TRPS1: variants seen among roughly 807,000 people sequenced by gnomAD.
TRPS1 encodes the protein transcriptional repressor GATA binding 1.
A neutral mutation model predicts 101.2 loss-of-function variants in TRPS1; 6 were observed. The ratio of observed to expected loss-of-function variants is 0.06; its 90% CI spans 0.03 to 0.12. The LOEUF (loss-of-function observed/expected upper bound fraction) is 0.12. Among genes scored for constraint, TRPS1 ranks in the 10% least tolerant of loss-of-function variants. The pLI, the probability that TRPS1 is intolerant of heterozygous loss-of-function variation, is 1.00. For synonymous variants in TRPS1, 578 were observed against 589.8 expected (o/e 0.98, Z 0.29); for missense variants, 1,363 against 1,567.0 (o/e 0.87, Z 2.20).
intron 5 of TRPS1, among the ~76,000 whole-genome samples, chr8:115,536,779 T>C (rs946890694): frequency 2.6e-5 from 4 of 151,506 alleles, no homozygotes; most frequent in Non-Finnish European, 5.9e-5. Context: ...TTACTAAATA[T>C]AGCTGAAGTT....
intron 5 of TRPS1, among the ~76,000 whole-genome samples, chr8:115,430,889 T>C (rs372924829): frequency 6.6e-6 from 1 of 151,900 alleles, no homozygotes; most frequent in African/African-American, 2.4e-5. Flanking sequence ...GTTTCTTACA[T>C]AGTGGAGAAT....
intron 5 of TRPS1, chr8:115,515,401 A>C: frequency 1.7e-6 from 1 of 593,156 alleles, no homozygotes; most frequent in Non-Finnish European, 3.0e-6. Context: ...ATGAAATATA[A>C]ATCAAATGCC....
intron 5 of TRPS1, among the ~76,000 whole-genome samples, chr8:115,459,467 T>A (rs1006905608): frequency 6.6e-6 from 1 of 152,120 alleles, no homozygotes; most frequent in African/African-American, 2.4e-5. Flanking sequence ...TTTACCTAAG[T>A]TTTGAGCCAC....
At chr8:115,647,964 C>T (rs941629974) in intron 1 of TRPS1, among the ~76,000 whole-genome samples, 5 of 151,888 alleles carry the variant, frequency 3.3e-5, no homozygotes, top group African/African-American at 1.2e-4. Context: ...GTAAGGAACT[C>T]CCTTTTTTGC....
At chr8:115,496,180 C>T (rs1218889157) in intron 5 of TRPS1, among the ~76,000 whole-genome samples, 1 of 152,096 alleles carries the variant, frequency 6.6e-6, no homozygotes, top group Non-Finnish European at 1.5e-5. Flanking sequence ...TGTTATTTAT[C>T]CCAGGTTGAA....
chr8:115,461,157 AT>A (rs1393599545), intron 5 of TRPS1, among the ~76,000 whole-genome samples: 1 of 152,148 alleles, frequency 6.6e-6, no homozygotes, highest in Non-Finnish European at 1.5e-5. Flanking sequence ...TACAAATGTT[AT>A]TTATTAAGAA....
intron 5 of TRPS1, among the ~76,000 whole-genome samples, chr8:115,439,287 GA>G (rs1813532427): frequency 6.6e-6 from 1 of 152,210 alleles, no homozygotes; most frequent in Non-Finnish European, 1.5e-5. Context: ...TAGAGCTTGT[GA>G]AACTGACATG....
chr8:115,623,695 A>G lies in TRPS1; in HGVS notation c.-58T>C. 6.3e-7 allele frequency: 1 copy of G among 1,596,596 alleles called. No individual in the cohort carries two copies. The highest frequency in any genetic ancestry group is 8.5e-7 in the Non-Finnish European group (1 of 1,170,418). On this transcript the variant is annotated 5_prime_UTR_variant, in exon 2 of 7. An upstream open reading frame in the 5' UTR loses its in-frame stop. Coordinates refer to ENST00000395715, the MANE Select transcript of TRPS1 (RefSeq NM_014112.5). ...TCTATTAGTCAACTAGCAGGAGGCTAATGCAATTGTCTTAGAAGACGCTCA... is the reference window on the plus strand; with the variant it reads ...TCTATTAGTCAACTAGCAGGAGGCTGATGCAATTGTCTTAGAAGACGCTCA...
chr8:115,655,921 T>C (rs1331126085), intron 1 of TRPS1, among the ~76,000 whole-genome samples: 1 of 152,118 alleles, frequency 6.6e-6, no homozygotes, highest in East Asian at 1.9e-4. Flanking sequence ...CCAAACATTT[T>C]GGCAAAATGT....
intron 5 of TRPS1, among the ~76,000 whole-genome samples, chr8:115,479,265 G>A (rs1033818526): frequency 4.6e-5 from 7 of 152,006 alleles, no homozygotes; most frequent in African/African-American, 7.3e-5. Context: ...ATGCTCTTAC[G>A]TAACTTGTAG....
At chr8:115,448,926 A>G (rs1813801983) in intron 5 of TRPS1, among the ~76,000 whole-genome samples, 1 of 152,204 alleles carries the variant, frequency 6.6e-6, no homozygotes, top group Non-Finnish European at 1.5e-5. Flanking sequence ...TTAATTGTTA[A>G]TAATGTCAAG....
intron 5 of TRPS1, among the ~76,000 whole-genome samples, chr8:115,528,986 C>T (rs1816066256): frequency 6.6e-6 from 1 of 151,738 alleles, no homozygotes; most frequent in Non-Finnish European, 1.5e-5. Flanking sequence ...AGAACCTCAC[C>T]AAGAGAATGA....
intron 5 of TRPS1, among the ~76,000 whole-genome samples, chr8:115,430,364 CT>C (rs1239524574): frequency 2.0e-5 from 3 of 152,160 alleles, no homozygotes; most frequent in African/African-American, 7.2e-5. Flanking sequence ...ATTATCAGTG[CT>C]TTGCATATAG....
At chr8:115,441,000 G>T (rs1259904683) in intron 5 of TRPS1, among the ~76,000 whole-genome samples, 1 of 152,088 alleles carries the variant, frequency 6.6e-6, no homozygotes, top group Admixed American at 6.5e-5. Flanking sequence ...AAAACCTCAT[G>T]ATCTTTAAAC....
intron 1 of TRPS1, among the ~76,000 whole-genome samples, chr8:115,667,209 TAG>T (rs1440197858): frequency 1.3e-5 from 2 of 152,122 alleles, no homozygotes; most frequent in Non-Finnish European, 2.9e-5. Flanking sequence ...TAAATTGCTT[TAG>T]AGTCCTGGGG....
chr8:115,551,773 A>G (rs998070816), intron 5 of TRPS1, among the ~76,000 whole-genome samples: 1 of 152,230 alleles, frequency 6.6e-6, no homozygotes, highest in Non-Finnish European at 1.5e-5. Context: ...TTGGAATAAA[A>G]TTATGTTCAA....
chr8:115,652,212 A>G (rs1178824651), intron 1 of TRPS1, among the ~76,000 whole-genome samples: 4 of 152,194 alleles, frequency 2.6e-5, no homozygotes, highest in Non-Finnish European at 5.9e-5. Flanking sequence ...ATGCAGTCAG[A>G]TGGAAAGACC....
chr8:115,654,561 A>G (rs1265141403), intron 1 of TRPS1, among the ~76,000 whole-genome samples: 2 of 152,190 alleles, frequency 1.3e-5, no homozygotes, highest in Non-Finnish European at 2.9e-5. Flanking sequence ...GAAGATAAAA[A>G]TATCCTTAAT....
At chr8:115,519,527 T>C (rs989608188) in intron 5 of TRPS1, among the ~76,000 whole-genome samples, 2 of 151,536 alleles carry the variant, frequency 1.3e-5, no homozygotes, top group Admixed American at 1.3e-4. Context: ...ATTAAAAAAA[T>C]TAAGAGCGGA....
Sources: gnomAD v4.1 joint callset for allele counts (sites outside exome capture counted in the v4.1 genomes callset) on GRCh38, gnomAD v4.1.1 for gene constraint, MANE v1.5 for transcripts, NCBI Gene and HGNC (gene_info 2026-07-23, HGNC 2026-07-21) for gene names.